COL27A1: variants seen among roughly 807,000 people sequenced by gnomAD.
The protein encoded by COL27A1 is collagen alpha-1(XXVII) chain.
Under a neutral mutation model 251.3 loss-of-function variants are expected in COL27A1, and 106 were observed. The observed-to-expected ratio is 0.42, with a 90% CI of 0.36 to 0.50. The LOEUF (loss-of-function observed/expected upper bound fraction) is 0.50, where lower values mean the gene tolerates loss of function less well. COL27A1 is among the 20% of genes least tolerant of loss of function. COL27A1 has a pLI of 0.00. For synonymous variants in COL27A1, 1,000 were observed against 986.3 expected, an observed-to-expected ratio of 1.01 and a Z score of -0.26; for missense variants, 2,325 against 2,522.8, an observed-to-expected ratio of 0.92 and a Z score of 1.68.
At chr9:114,210,908 G>C (rs1181490862) in intron 11 of COL27A1, 74 bp from the exon 12 acceptor site, 8 of 1,520,340 alleles carry the variant, frequency 5.3e-6, no homozygotes, top group Non-Finnish European at 7.3e-6. Flanking sequence ...GGGTGGCTCT[G>C]GGCTGGTTTG....
chr9:114,252,295 G>A (rs984763489), intron 25 of COL27A1, among the ~76,000 whole-genome samples: 5 of 152,120 alleles, frequency 3.3e-5, no homozygotes, highest in African/African-American at 1.2e-4. Context: ...GGATCAAAGG[G>A]GACAGTGTAA....
intron 1 of COL27A1, among the ~76,000 whole-genome samples, chr9:114,159,768 A>G (rs2135005478): frequency 6.6e-6 from 1 of 152,340 alleles, no homozygotes; most frequent in East Asian, 1.9e-4. Context: ...GGGAAATACT[A>G]CTGAAGAATT....
At position 114,261,979 on chromosome 9, in the gene COL27A1, G is replaced by A. The variant is rs149193554; in HGVS notation, c.3196-2376G>A. On this transcript the variant is annotated intron_variant, in intron 28 of 60. Coordinates refer to ENST00000356083, the MANE Select transcript of COL27A1 (RefSeq NM_032888.4). ...AGCCTTTGATTCCTGGGATAAACAA[G>A]GTGCTATGGGCTTCAGGCCAAGCCC... Among the ~76,000 whole-genome samples, 418 of 152,322 alleles carry A rather than the reference G, an allele frequency of 2.7e-3. 4 individuals carry two copies. The highest frequency in any genetic ancestry group is 9.3e-3 in the African/African-American group (387 of 41,562).
intron 56 of COL27A1, among the ~76,000 whole-genome samples, chr9:114,302,717 C>CAAAAAAAAA (rs1227081020): frequency 1.3e-5 from 1 of 77,272 alleles, no homozygotes; most frequent in African/African-American, 5.0e-5. Flanking sequence ...CAAAAAGAAA[C>CAAAAAAAAA]AAAAAAAACA....
chr9:114,211,056 C>G (rs756648582), intron 12 of COL27A1, 30 bp downstream of exon 12: 1 of 1,612,730 alleles, frequency 6.2e-7, no homozygotes, highest in Admixed American at 1.7e-5. Flanking sequence ...ATTACGCAGA[C>G]TCTAGCGGGG....
intron 19 of COL27A1, among the ~76,000 whole-genome samples, chr9:114,238,539 C>T (rs16927539): frequency 0.022 from 3,378 of 152,264 alleles, 132 homozygotes; most frequent in African/African-American, 0.078. Flanking sequence ...GTGGATAGGC[C>T]GGACCCTGCC....
At chr9:114,192,887 A>G (rs2135232304) in intron 5 of COL27A1, among the ~76,000 whole-genome samples, 1 of 152,316 alleles carries the variant, frequency 6.6e-6, no homozygotes, top group South Asian at 2.1e-4. Context: ...TCTGAGTTCT[A>G]ATGAAGAAAA....
chr9:114,246,030 G>C (rs1167187115), intron 24 of COL27A1, 120 bp downstream of exon 24: 1 of 837,268 alleles, frequency 1.2e-6, no homozygotes, highest in Admixed American at 2.4e-5. Context: ...CAACTCCAGA[G>C]GTAGGTTCAG....
chr9:114,283,774 T>A lies in COL27A1; in HGVS notation c.3933+12T>A. On this transcript the variant is annotated intron_variant, in intron 40 of 60. Coordinates refer to ENST00000356083, the MANE Select transcript of COL27A1 (RefSeq NM_032888.4). ...TGGCTGGTTATGATGTAAGCAGATATCACCTCACCCCACCCCCCGACTCTG... is the reference window on the plus strand; with the variant it reads ...TGGCTGGTTATGATGTAAGCAGATAACACCTCACCCCACCCCCCGACTCTG... 6.2e-7 allele frequency: 1 copy of A among 1,613,712 alleles called. No homozygotes were observed. Among genetic ancestry groups the A allele is most frequent in the African/African-American group, 1.3e-5 (1 of 74,974 alleles).
At chr9:114,200,086 T>C (rs551163693) in intron 7 of COL27A1, among the ~76,000 whole-genome samples, 32 of 152,272 alleles carry the variant, frequency 2.1e-4, no homozygotes, top group Non-Finnish European at 3.7e-4. Context: ...ACAGGGGTCA[T>C]CTGGAAGTGT....
At chr9:114,163,176 G>A (rs1403169890) in intron 2 of COL27A1, among the ~76,000 whole-genome samples, 1 of 152,078 alleles carries the variant, frequency 6.6e-6, no homozygotes, top group Admixed American at 6.5e-5. Flanking sequence ...GGAGGTTGCA[G>A]TGTGCCCAGA....
In COL27A1 at chr9:114,209,741, C is replaced by A; in HGVS notation, c.2322+13C>A. 1 of 1,613,832 alleles carries A rather than the reference C, an allele frequency of 6.2e-7. No individual in the cohort carries two copies. ...TGATGGAGAACGAGTAAGTTTGCTT[C>A]TTTGGTTATTCACCATCCACAGCCA... On this transcript the variant is annotated intron_variant, in intron 11 of 60. Coordinates refer to ENST00000356083, the MANE Select transcript of COL27A1 (RefSeq NM_032888.4).
intron 23 of COL27A1, among the ~76,000 whole-genome samples, chr9:114,245,564 C>T (rs1044501635): frequency 2.2e-4 from 33 of 152,170 alleles, no homozygotes; most frequent in Admixed American, 2.0e-4. Context: ...CCTCATTTTC[C>T]ACCTCCACAA....
rs934038871 is a variant in COL27A1 at position 114,290,747 on chromosome 9, C to T, written c.4369-63C>T. On this transcript the variant is annotated intron_variant, in intron 47 of 60. Transcript: ENST00000356083. This position sits in a 1 kb window ranked among gnomAD's most constrained non-coding sequence, Gnocchi z 4.6. Reference sequence around the variant, plus strand: ...CCCAGGGTTTGCCCAGGCGTTGAGCCATCTGCTTCCTTGGCTGTATCGTGA... The same window carrying T: ...CCCAGGGTTTGCCCAGGCGTTGAGCTATCTGCTTCCTTGGCTGTATCGTGA... 2 of 1,283,940 alleles carry T rather than the reference C, an allele frequency of 1.6e-6. No homozygotes were observed. The highest frequency in any genetic ancestry group is 2.5e-5 in the East Asian group (1 of 39,510). 79.5% of individuals were successfully genotyped at this position (1,283,940 alleles called of 1,614,324 possible).
chr9:114,289,977 C>T (rs1827791988), intron 45 of COL27A1, 81 bp from the exon 46 acceptor site: 1 of 1,473,496 alleles, frequency 6.8e-7, no homozygotes. Context: ...GCCCACAATC[C>T]TCTCAGTCCC....
At chr9:114,241,208 T>C (rs930891159) in intron 21 of COL27A1, among the ~76,000 whole-genome samples, 2 of 152,258 alleles carry the variant, frequency 1.3e-5, no homozygotes, top group African/African-American at 4.8e-5. Context: ...GAGGCCATTC[T>C]TAGCCTTCCC....
chr9:114,178,156 C>A, intron 3 of COL27A1, 135 bp from the exon 4 acceptor site: 1 of 696,692 alleles, frequency 1.4e-6, no homozygotes, highest in Non-Finnish European at 2.6e-6. Flanking sequence ...AGGGCAGGGA[C>A]CTCAGGGGAC....
chr9:114,186,656 A>T (rs1406255357), intron 5 of COL27A1, among the ~76,000 whole-genome samples: 1 of 152,206 alleles, frequency 6.6e-6, no homozygotes, highest in Admixed American at 6.5e-5. Context: ...TGGTGAGGGC[A>T]ACAGGCCTGG....
chr9:114,172,993 CCTG>C (rs1849426475), intron 3 of COL27A1, among the ~76,000 whole-genome samples: 1 of 152,240 alleles, frequency 6.6e-6, no homozygotes, highest in Non-Finnish European at 1.5e-5. Flanking sequence ...CATGTGCAAA[CCTG>C]CTCCTCGGGG....
Sources: allele counts gnomAD v4.1 joint callset (sites outside exome capture counted in the v4.1 genomes callset), GRCh38; gene constraint gnomAD v4.1.1; non-coding constraint Gnocchi (gnomAD v3.1); transcripts MANE v1.5; gene names NCBI Gene and HGNC (gene_info 2026-07-23, HGNC 2026-07-21).